Variants in ANO6 observed in about 807,000 individuals in gnomAD.
ANO6 encodes the protein anoctamin-6.
A neutral mutation model predicts 117.5 loss-of-function variants in ANO6; 106 were observed. The observed-to-expected ratio is 0.90, with a 90% CI of 0.77 to 1.06. ANO6 has a LOEUF of 1.06. ANO6 is among the 50% of genes least tolerant of loss of function. The probability of loss-of-function intolerance (pLI) is 0.00; values close to 1 mark genes in which losing one functional copy is unlikely to be tolerated. For synonymous variants in ANO6, 367 were observed against 385.1 expected, an observed-to-expected ratio of 0.95 and a Z score of 0.55; for missense variants, 955 against 1,121.1, an observed-to-expected ratio of 0.85 and a Z score of 2.12.
chr12:45,364,139 G>T (rs1263124581), intron 8 of ANO6, among the ~76,000 whole-genome samples: 1 of 152,098 alleles, frequency 6.6e-6, no homozygotes, highest in Non-Finnish European at 1.5e-5. Flanking sequence ...TGGCCTCCAT[G>T]GTTTTTATGA....
chr12:45,256,647 T>C (rs978349824), intron 1 of ANO6: 1 of 152,194 alleles, frequency 6.6e-6, no homozygotes, highest in Non-Finnish European at 1.5e-5. Flanking sequence ...ATAGCCCAAG[T>C]AATGACTGTT....
chr12:45,398,250 A>C (rs1212887223), intron 12 of ANO6, among the ~76,000 whole-genome samples: 1 of 152,204 alleles, frequency 6.6e-6, no homozygotes, highest in Non-Finnish European at 1.5e-5. Context: ...ATTAATGTGC[A>C]ATTACAAAGG....
At chr12:45,310,871 G>A (rs1414111765) in intron 2 of ANO6, among the ~76,000 whole-genome samples, 1 of 151,628 alleles carries the variant, frequency 6.6e-6, no homozygotes, top group Non-Finnish European at 1.5e-5. Flanking sequence ...TCCCATAAAT[G>A]GAGACACTGG....
chr12:45,240,297 T>C (rs1373523042), intron 1 of ANO6, among the ~76,000 whole-genome samples: 1 of 151,940 alleles, frequency 6.6e-6, no homozygotes, highest in Non-Finnish European at 1.5e-5. Context: ...TTGTCTCTTT[T>C]GATCTTTGTT....
intron 11 of ANO6, among the ~76,000 whole-genome samples, chr12:45,390,082 G>A (rs776684898): frequency 3.3e-5 from 5 of 152,124 alleles, no homozygotes; most frequent in Non-Finnish European, 7.4e-5. Context: ...TGTGCTCTGC[G>A]CTATCATCAC....
intron 1 of ANO6, among the ~76,000 whole-genome samples, chr12:45,224,362 G>A (rs1004862380): frequency 6.6e-6 from 1 of 152,074 alleles, no homozygotes; most frequent in Non-Finnish European, 1.5e-5. Context: ...ATGGCAAGGG[G>A]ATCATGTTGT....
intron 15 of ANO6, among the ~76,000 whole-genome samples, chr12:45,407,768 A>G (rs1029589185): frequency 6.6e-6 from 1 of 152,086 alleles, no homozygotes; most frequent in Non-Finnish European, 1.5e-5. Flanking sequence ...TACATCCGTT[A>G]CCTATTTTGA....
chr12:45,422,211 C>T (rs1276200754), intron 18 of ANO6, among the ~76,000 whole-genome samples: 2 of 152,160 alleles, frequency 1.3e-5, no homozygotes, highest in African/African-American at 4.8e-5. Flanking sequence ...CACTTGATAT[C>T]TGACAACAAA....
intron 3 of ANO6, among the ~76,000 whole-genome samples, chr12:45,346,176 A>G (rs1407397612): frequency 6.6e-6 from 1 of 152,160 alleles, no homozygotes; most frequent in African/African-American, 2.4e-5. Flanking sequence ...TTTGGGGGAC[A>G]TATTTAAACC....
chr12:45,323,550 T>TTGAG (rs1940352917), intron 2 of ANO6, among the ~76,000 whole-genome samples: 1 of 152,244 alleles, frequency 6.6e-6, no homozygotes, highest in African/African-American at 2.4e-5. Flanking sequence ...CTCACATTTA[T>TTGAG]TGAGCTTTTA....
In ANO6 at chr12:45,331,417, A is replaced by G. The variant is rs1940660354; in HGVS notation, c.273A>G (p.Lys91=). 6.2e-7 allele frequency: 1 copy of G among 1,603,482 alleles called. No individual in the cohort carries two copies. Among genetic ancestry groups the G allele is most frequent in the South Asian group, 1.1e-5 (1 of 88,508 alleles). Residue 91 remains lysine (K), a synonymous_variant, in exon 3 of 20, where the codon AAA becomes AAG. Coordinates refer to ENST00000320560, the MANE Select transcript of ANO6 (RefSeq NM_001025356.3). ...CCAATAAAAAGGGTACAAATGAAAAACAAAGGGTAAGTTTTTATGCTATTT... is the reference window on the plus strand; with the variant it reads ...CCAATAAAAAGGGTACAAATGAAAAGCAAAGGGTAAGTTTTTATGCTATTT... ...KETNKKGTNE[K]QRRKRQAYES... is the part of the protein sequence containing the mutation.
At chr12:45,308,384 G>A (rs991746938) in intron 2 of ANO6, among the ~76,000 whole-genome samples, 3 of 152,062 alleles carry the variant, frequency 2.0e-5, no homozygotes, top group Non-Finnish European at 4.4e-5. Context: ...GGAGATTGCG[G>A]AAGCTTTTTC....
intron 8 of ANO6, among the ~76,000 whole-genome samples, chr12:45,363,387 AC>A (rs1420764951): frequency 4.6e-5 from 7 of 151,924 alleles, no homozygotes; most frequent in African/African-American, 1.7e-4. Context: ...TCACAGTGAA[AC>A]CCCATCTCTA....
chr12:45,394,504 TC>T (rs1942553742), intron 12 of ANO6, among the ~76,000 whole-genome samples: 1 of 152,214 alleles, frequency 6.6e-6, no homozygotes, highest in African/African-American at 2.4e-5. Context: ...CTAATGGACA[TC>T]TACAGAACTC....
intron 1 of ANO6, among the ~76,000 whole-genome samples, chr12:45,260,630 T>C (rs1340094120): frequency 6.6e-6 from 1 of 152,144 alleles, no homozygotes; most frequent in Non-Finnish European, 1.5e-5. Context: ...GTGCTAGTCT[T>C]ATGCTATCAC....
intron 1 of ANO6, among the ~76,000 whole-genome samples, chr12:45,271,899 A>G (rs963636324): frequency 6.6e-6 from 1 of 152,232 alleles, no homozygotes; most frequent in Non-Finnish European, 1.5e-5. Context: ...ATAATAATTG[A>G]AATGTGAAGA....
rs774160080 is a variant in ANO6, at chr12:45,302,035, C to T, written c.92C>T (p.Thr31Ile). 6.2e-7 allele frequency: 1 copy of T among 1,613,962 alleles called. No individual in the cohort carries two copies. Among genetic ancestry groups the T allele is most frequent in the East Asian group, 2.2e-5 (1 of 44,872 alleles). Residue 31 changes from threonine (T) to isoleucine (I), a missense_variant, in exon 2 of 20, where the codon ACA becomes ATA. Coordinates refer to ENST00000320560, the MANE Select transcript of ANO6 (RefSeq NM_001025356.3). ...GDIVLENLGQ[T>I]IVPDLGSLES... ...TTAGTGTTGGAAAACCTTGGACAGA[C>T]AATTGTCCCCGATTTGGGATCACTG...
Position 45,348,511 on chromosome 12 carries a change from T to C in ANO6, c.634-7T>C, listed in dbSNP as rs530881411. The C allele has an allele frequency of 5.7e-4, 924 of 1,610,894 alleles. 14 individuals carry two copies. In the South Asian group the frequency reaches 9.5e-3, roughly 17 times the overall value. Reference sequence around the variant, plus strand: ...AAACCGCATACTCTATTTTGGAATCTTTTTAGGTTTACTTCATCCTCTCTC... The same window carrying C: ...AAACCGCATACTCTATTTTGGAATCCTTTTAGGTTTACTTCATCCTCTCTC... On this transcript the variant is annotated splice_polypyrimidine_tract_variant and splice_region_variant and intron_variant, in intron 5 of 19. Transcript: ENST00000320560.
chr12:45,271,355 C>T (rs754102966), intron 1 of ANO6, among the ~76,000 whole-genome samples: 1 of 151,974 alleles, frequency 6.6e-6, no homozygotes, highest in Non-Finnish European at 1.5e-5. Flanking sequence ...TTATTTGGTG[C>T]AAAAGTAAAT....
Sources: allele counts gnomAD v4.1 joint callset (sites outside exome capture counted in the v4.1 genomes callset), GRCh38; gene constraint gnomAD v4.1.1; transcripts MANE v1.5; gene names NCBI Gene and HGNC (gene_info 2026-07-23, HGNC 2026-07-21).